Variants in CAMKMT observed in about 807,000 individuals in gnomAD.
The protein encoded by CAMKMT is calmodulin-lysine N-methyltransferase.
CAMKMT carries 53 observed loss-of-function variants against 48.0 expected under a neutral mutation model. That is an observed-to-expected ratio of 1.10 (90% CI 0.89 to 1.39). The LOEUF is 1.39. CAMKMT is among the 40% of genes most tolerant of loss of function. The probability of loss-of-function intolerance (pLI) is 0.00; values close to 1 mark genes in which losing one functional copy is unlikely to be tolerated. For missense variants in CAMKMT, 428 were observed against 402.7 expected (o/e 1.06, Z -0.54); for synonymous variants, 165 against 152.3 (o/e 1.08, Z -0.61).
intron 1 of CAMKMT, among the ~76,000 whole-genome samples, chr2:44,368,326 A>T (rs1006958220): frequency 2.0e-5 from 3 of 152,226 alleles, no homozygotes; most frequent in Admixed American, 6.5e-5. Flanking sequence ...CCTTCAGTTC[A>T]TTAAACTACC....
At chr2:44,474,167 C>T (rs746085650) in intron 3 of CAMKMT, among the ~76,000 whole-genome samples, 2 of 152,008 alleles carry the variant, frequency 1.3e-5, no homozygotes, top group Admixed American at 6.6e-5. Flanking sequence ...AGCATTGGGC[C>T]GGGCGTCGTG....
At chr2:44,705,299 CT>C in intron 4 of CAMKMT, 5 of 975,674 alleles carry the variant, frequency 5.1e-6, no homozygotes, top group Non-Finnish European at 6.1e-6. Context: ...TTTAATTTTG[CT>C]TTTTTTCTCC....
chr2:44,756,400 CA>C (rs1406542120), intron 9 of CAMKMT, among the ~76,000 whole-genome samples: 1 of 152,176 alleles, frequency 6.6e-6, no homozygotes, highest in African/African-American at 2.4e-5. Context: ...TGAGCCCAGA[CA>C]ACAACTCCAT....
intron 3 of CAMKMT, among the ~76,000 whole-genome samples, chr2:44,564,836 G>A (rs1390841273): frequency 6.6e-6 from 1 of 152,118 alleles, no homozygotes; most frequent in Non-Finnish European, 1.5e-5. Flanking sequence ...TACCACACCC[G>A]GCCCAAGCTG....
chr2:44,746,716 C>A (rs1224539511), intron 8 of CAMKMT, among the ~76,000 whole-genome samples: 5 of 152,134 alleles, frequency 3.3e-5, no homozygotes, highest in African/African-American at 1.2e-4. Context: ...GAATATTTAA[C>A]CACAGGTGTA....
intron 3 of CAMKMT, among the ~76,000 whole-genome samples, chr2:44,578,012 T>C (rs1204995943): frequency 1.3e-5 from 2 of 152,178 alleles, no homozygotes; most frequent in African/African-American, 4.8e-5. Flanking sequence ...GACTTCACTC[T>C]CTTGTGAAGA....
intron 3 of CAMKMT, among the ~76,000 whole-genome samples, chr2:44,468,154 C>G (rs1668227072): frequency 6.6e-6 from 1 of 151,918 alleles, no homozygotes. Flanking sequence ...AATTCAACAG[C>G]AAAAAAGCAA....
intron 3 of CAMKMT, among the ~76,000 whole-genome samples, chr2:44,538,252 C>T (rs955751175): frequency 2.8e-4 from 43 of 151,792 alleles, no homozygotes; most frequent in African/African-American, 1.0e-3. Context: ...ACCTGTAATC[C>T]CAGCTACTCG....
intron 3 of CAMKMT, among the ~76,000 whole-genome samples, chr2:44,679,317 A>G (rs562326397): frequency 5.1e-4 from 77 of 152,322 alleles, no homozygotes; most frequent in Non-Finnish European, 9.8e-4. Context: ...TTGATATTGG[A>G]CTGCAGCCAT....
intron 3 of CAMKMT, among the ~76,000 whole-genome samples, chr2:44,637,794 C>T (rs947240837): frequency 5.9e-5 from 9 of 151,966 alleles, no homozygotes; most frequent in African/African-American, 9.7e-5. Context: ...CAGCCAGGCA[C>T]GGTGGCTCAC....
chr2:44,742,595 C>T (rs1368582835), intron 7 of CAMKMT, among the ~76,000 whole-genome samples: 1 of 152,120 alleles, frequency 6.6e-6, no homozygotes, highest in Non-Finnish European at 1.5e-5. Context: ...TGCTGCCCAG[C>T]GTGTGTAGGT....
chr2:44,636,536 G>A (rs1367285293), intron 3 of CAMKMT, among the ~76,000 whole-genome samples: 1 of 152,218 alleles, frequency 6.6e-6, no homozygotes, highest in Non-Finnish European at 1.5e-5. Context: ...CAAAAAGGCT[G>A]AAAGAAAGAT....
chr2:44,572,915 T>A (rs1012896664), intron 3 of CAMKMT, among the ~76,000 whole-genome samples: 1 of 152,170 alleles, frequency 6.6e-6, no homozygotes, highest in African/African-American at 2.4e-5. Flanking sequence ...AGCACAAGGG[T>A]TCCAATTGTA....
intron 3 of CAMKMT, among the ~76,000 whole-genome samples, chr2:44,635,980 C>T (rs1347966489): frequency 6.6e-6 from 1 of 152,160 alleles, no homozygotes; most frequent in Non-Finnish European, 1.5e-5. Flanking sequence ...GGCTACGTGT[C>T]AGTTTTCATA....
At chr2:44,609,778 A>G (rs1473628092) in intron 3 of CAMKMT, among the ~76,000 whole-genome samples, 1 of 152,148 alleles carries the variant, frequency 6.6e-6, no homozygotes, top group Non-Finnish European at 1.5e-5. Flanking sequence ...GCTCATTTCC[A>G]GAAGGGTGGA....
At chr2:44,412,153 A>G (rs1241020826) in intron 3 of CAMKMT, among the ~76,000 whole-genome samples, 1 of 152,058 alleles carries the variant, frequency 6.6e-6, no homozygotes, top group East Asian at 1.9e-4. Context: ...TTACGTTTCA[A>G]TGTATTGACT....
intron 3 of CAMKMT, among the ~76,000 whole-genome samples, chr2:44,417,029 G>A (rs896942967): frequency 6.6e-6 from 1 of 152,032 alleles, no homozygotes; most frequent in African/African-American, 2.4e-5. Context: ...AAAATCCTGG[G>A]CTTAAGTGAT....
intron 3 of CAMKMT, among the ~76,000 whole-genome samples, chr2:44,534,400 A>G (rs752778896): frequency 4.6e-5 from 7 of 152,192 alleles, no homozygotes; most frequent in Non-Finnish European, 7.4e-5. Flanking sequence ...ATAGACATTT[A>G]TACAACATTT....
At chr2:44,418,049 G>A (rs530593444) in intron 3 of CAMKMT, among the ~76,000 whole-genome samples, 125 of 152,078 alleles carry the variant, frequency 8.2e-4, no homozygotes, top group African/African-American at 2.7e-3. Context: ...AAAAGTAGTC[G>A]GGCATGGTGG....
Sources: allele counts gnomAD v4.1 joint callset (sites outside exome capture counted in the v4.1 genomes callset), GRCh38; gene constraint gnomAD v4.1.1; transcripts MANE v1.5; gene names NCBI Gene and HGNC (gene_info 2026-07-23, HGNC 2026-07-21).